Variants in EBF1 observed in about 807,000 individuals in gnomAD.
The protein encoded by EBF1 is transcription factor COE1.
A neutral mutation model predicts 68.4 loss-of-function variants in EBF1; 10 were observed. The observed-to-expected ratio is 0.15, with a 90% CI of 0.09 to 0.25. EBF1 has a LOEUF of 0.25. Among genes scored for constraint, EBF1 ranks in the 10% least tolerant of loss-of-function variants. The pLI, the probability that EBF1 is intolerant of heterozygous loss-of-function variation, is 1.00. For missense variants in EBF1, 509 were observed against 794.4 expected (o/e 0.64, Z 4.32); for synonymous variants, 298 against 299.8 (o/e 0.99, Z 0.06).
At chr5:158,725,324 C>G (rs1762776122) in intron 11 of EBF1, among the ~76,000 whole-genome samples, 1 of 152,206 alleles carries the variant, frequency 6.6e-6, no homozygotes, top group Admixed American at 6.5e-5. Context: ...TGGTGTTCAC[C>G]TCCCTTATAA....
chr5:158,914,018 G>A (rs1806594342), intron 6 of EBF1, among the ~76,000 whole-genome samples: 1 of 152,148 alleles, frequency 6.6e-6, no homozygotes, highest in Non-Finnish European at 1.5e-5. Context: ...CTGAGGAGTA[G>A]AGGCAAAAGT....
intron 10 of EBF1, among the ~76,000 whole-genome samples, chr5:158,742,129 T>A (rs1184930761): frequency 6.6e-6 from 1 of 152,222 alleles, no homozygotes; most frequent in Non-Finnish European, 1.5e-5. Context: ...TCAGAGCAGA[T>A]CTCTAATAAT....
intron 6 of EBF1, among the ~76,000 whole-genome samples, chr5:158,978,787 CACACACACAT>C (rs1340708149): frequency 1.4e-4 from 18 of 125,710 alleles, no homozygotes; most frequent in African/African-American, 5.3e-4. Context: ...GATACACACA[CACACACACAT>C]ACACACACAC....
At chr5:158,780,077 T>A (rs955218905) in intron 9 of EBF1, among the ~76,000 whole-genome samples, 5 of 152,192 alleles carry the variant, frequency 3.3e-5, no homozygotes, top group Admixed American at 3.3e-4. Flanking sequence ...TTGATGCTTA[T>A]GGAGGAAAAA....
intron 6 of EBF1, among the ~76,000 whole-genome samples, chr5:159,043,490 G>A (rs1174731251): frequency 1.3e-5 from 2 of 152,176 alleles, no homozygotes; most frequent in East Asian, 1.9e-4. Context: ...AACAGTCTTC[G>A]CTTGGTACAT....
At chr5:158,954,132 C>T (rs1252407524) in intron 6 of EBF1, among the ~76,000 whole-genome samples, 1 of 152,184 alleles carries the variant, frequency 6.6e-6, no homozygotes, top group Non-Finnish European at 1.5e-5. Context: ...ATCATTTTCT[C>T]AGAGTATTCT....
At position 158,731,300 on chromosome 5, in the gene EBF1, T is replaced by C; in HGVS notation, c.1037-143A>G. 4.8e-6 allele frequency: 4 copies of C among 829,806 alleles called. No homozygotes were observed. In the East Asian group the frequency reaches 1.1e-4, roughly 23 times the overall value. The allele number at this position is 829,806 out of a possible 1,614,324, so 51.4% of individuals were successfully genotyped here. ...TTGGATCACAAGATGGTTGTGTGAA[T>C]GATCTCTTGGCTAAACTTTCCACCA... On this transcript the variant is annotated intron_variant, in intron 10 of 15. Transcript: ENST00000313708.
In EBF1 at chr5:158,696,436, G is replaced by C. The variant is rs191151948; in HGVS notation, c.*2675C>G. ...ACCACTGCACATGGCTGACAGATGGGTAGTGTCTGTTGTCAAGGTCTAAGC... is the reference window on the plus strand; with the variant it reads ...ACCACTGCACATGGCTGACAGATGGCTAGTGTCTGTTGTCAAGGTCTAAGC... On this transcript the variant is annotated 3_prime_UTR_variant, in exon 16 of 16. Coordinates refer to ENST00000313708, the MANE Select transcript of EBF1 (RefSeq NM_024007.5). 9.5e-4 allele frequency: 210 copies of C among 221,576 alleles called. 1 individual carries two copies. The highest frequency in any genetic ancestry group is 1.5e-3 in the Non-Finnish European group (162 of 110,742). The allele number at this position is 221,576 out of a possible 1,614,324, so 13.7% of individuals were successfully genotyped here.
chr5:158,840,319 C>T (rs1029169487), intron 6 of EBF1, among the ~76,000 whole-genome samples: 17 of 152,190 alleles, frequency 1.1e-4, no homozygotes, highest in African/African-American at 4.1e-4. Flanking sequence ...ACACTGTTGG[C>T]ACTGCCAACA....
chr5:159,071,217 T>C (rs2127936246), intron 6 of EBF1, among the ~76,000 whole-genome samples: 1 of 152,338 alleles, frequency 6.6e-6, no homozygotes, highest in Admixed American at 6.5e-5. Context: ...GAAAAGATAG[T>C]TCATCAGAAA....
intron 3 of EBF1, 128 bp downstream of exon 3, chr5:159,096,215 G>T (rs1026941142): frequency 6.9e-6 from 7 of 1,014,928 alleles, no homozygotes; most frequent in African/African-American, 4.9e-5. Flanking sequence ...TTTAGGAGAG[G>T]CTGGTTCACC....
At chr5:158,800,980 A>G (rs1432391059) in intron 8 of EBF1, among the ~76,000 whole-genome samples, 1 of 152,182 alleles carries the variant, frequency 6.6e-6, no homozygotes, top group Admixed American at 6.5e-5. Context: ...TTTCACACTC[A>G]TAAGTATCCG....
chr5:158,705,992 C>T (rs1171264664), intron 15 of EBF1, among the ~76,000 whole-genome samples: 2 of 152,194 alleles, frequency 1.3e-5, no homozygotes, highest in African/African-American at 4.8e-5. Context: ...TATGTATGAT[C>T]ATTATTTAAA....
intron 7 of EBF1, among the ~76,000 whole-genome samples, chr5:158,825,521 T>C (rs1291541329): frequency 6.6e-6 from 1 of 150,750 alleles, no homozygotes; most frequent in South Asian, 2.1e-4. Context: ...CAATTCACCA[T>C]GCACCTGTAA....
At chr5:158,984,587 A>G (rs1167964627) in intron 6 of EBF1, 2 of 151,574 alleles carry the variant, frequency 1.3e-5, no homozygotes, top group African/African-American at 2.4e-5. Context: ...TGGTGCTAGT[A>G]TCTGGAACAC....
At chr5:158,746,480 G>T (rs545582064) in intron 10 of EBF1, among the ~76,000 whole-genome samples, 2 of 152,230 alleles carry the variant, frequency 1.3e-5, no homozygotes, top group South Asian at 2.1e-4. Flanking sequence ...GTGGGCAAAG[G>T]CCTTTAGAAA....
At chr5:159,075,600 T>A (rs1778621341) in intron 5 of EBF1, among the ~76,000 whole-genome samples, 1 of 152,070 alleles carries the variant, frequency 6.6e-6, no homozygotes, top group South Asian at 2.1e-4. Flanking sequence ...ACCATCTCCA[T>A]CCAAGTCCTT....
Position 158,863,307 on chromosome 5 carries a change from C to T in EBF1, c.555-23197G>A, listed in dbSNP as rs534978871. 5.9e-5 allele frequency among the ~76,000 whole-genome samples: 9 copies of T among 152,284 alleles called. No individual in the cohort carries two copies. The South Asian group carries it at 1.7e-3, about 28-fold the overall frequency. On this transcript the variant is annotated intron_variant, in intron 6 of 15. Coordinates refer to ENST00000313708, the MANE Select transcript of EBF1 (RefSeq NM_024007.5). ...CTCTAGGAAGCCTTCCCAAGTTCCT[C>T]CCGACAGGAATAGAACATCCCACCT...
At chr5:159,040,838 C>T (rs922639770) in intron 6 of EBF1, among the ~76,000 whole-genome samples, 4 of 152,194 alleles carry the variant, frequency 2.6e-5, no homozygotes, top group Admixed American at 2.0e-4. Flanking sequence ...AATCTATTCT[C>T]CTGCTGGTAA....
Sources: allele counts gnomAD v4.1 joint callset (sites outside exome capture counted in the v4.1 genomes callset), GRCh38; gene constraint gnomAD v4.1.1; transcripts MANE v1.5; gene names NCBI Gene and HGNC (gene_info 2026-07-23, HGNC 2026-07-21).